Variants in TXNL4A observed in about 807,000 individuals in gnomAD.
The protein encoded by TXNL4A is thioredoxin like 4A, also known as thioredoxin-like protein 4A.
Under a neutral mutation model 14.6 loss-of-function variants are expected in TXNL4A, and 17 were observed. That is an observed-to-expected ratio of 1.16 (90% confidence interval 0.80 to 1.74). The LOEUF (loss-of-function observed/expected upper bound fraction) is 1.74. Among genes scored for constraint, TXNL4A ranks in the 40% most tolerant of loss-of-function variants. TXNL4A has a pLI of 0.00. For synonymous variants in TXNL4A, 83 were observed against 70.6 expected, an observed-to-expected ratio of 1.18 and a Z score of -0.88; for missense variants, 74 against 195.2, an observed-to-expected ratio of 0.38 and a Z score of 3.70.
intron 1 of TXNL4A, among the ~76,000 whole-genome samples, chr18:79,987,994 A>T (rs2051579383): frequency 6.6e-6 from 1 of 152,390 alleles, no homozygotes; most frequent in African/African-American, 2.4e-5. Context: ...AATTCATTTG[A>T]GAGGAGGGGG....
rs572135833 is a variant in TXNL4A, at chr18:79,982,429, G to A, written c.154-4728C>T. 6.6e-6 allele frequency among the ~76,000 whole-genome samples: 1 copy of A among 152,302 alleles called. No homozygotes were observed. Among genetic ancestry groups the A allele is most frequent in the South Asian group, 2.1e-4 (1 of 4,824 alleles). On this transcript the variant is annotated intron_variant, in intron 1 of 2. Transcript: ENST00000269601. This position sits in a 1 kb window ranked among gnomAD's most constrained non-coding sequence, Gnocchi z 4.0. ...CCTGGAGCTGTACAATGGAGTCTGG[G>A]CTGGAGAGAGCTACCTTACTGCCGC...
chr18:79,988,695 A>T (rs898051911), upstream of TXNL4A: 1 of 227,026 alleles, frequency 4.4e-6, no homozygotes, highest in Non-Finnish European at 8.5e-6. Flanking sequence ...CGACCTGGGC[A>T]CCGTGGAGCG....
intron 1 of TXNL4A, among the ~76,000 whole-genome samples, chr18:80,022,109 C>A (rs1195029561): frequency 6.6e-6 from 1 of 152,020 alleles, no homozygotes; most frequent in Non-Finnish European, 1.5e-5. Context: ...TATTAGAGAA[C>A]CTGCCCAGGT....
intron 1 of TXNL4A, among the ~76,000 whole-genome samples, chr18:79,983,672 T>C (rs1006880214): frequency 1.3e-5 from 2 of 152,266 alleles, no homozygotes; most frequent in African/African-American, 2.4e-5. Context: ...ACTGAAAAAC[T>C]TGACTTTCTA....
At chr18:80,005,127 G>A (rs2051721283) in intron 1 of TXNL4A, among the ~76,000 whole-genome samples, 1 of 152,248 alleles carries the variant, frequency 6.6e-6, no homozygotes, top group Non-Finnish European at 1.5e-5. Context: ...TGGTTAACAC[G>A]AGAGTCTCGT....
At chr18:80,008,958 A>G (rs939520083) in intron 1 of TXNL4A, among the ~76,000 whole-genome samples, 2 of 151,520 alleles carry the variant, frequency 1.3e-5, no homozygotes, top group East Asian at 3.9e-4. Context: ...TTGTATTTTC[A>G]GTAGAGACAA....
At chr18:80,008,160 G>A (rs563725877) in intron 1 of TXNL4A, among the ~76,000 whole-genome samples, 6 of 152,110 alleles carry the variant, frequency 3.9e-5, no homozygotes, top group Non-Finnish European at 8.8e-5. Context: ...ATGTTTTTCC[G>A]GGTGTTATGA....
At chr18:79,978,050 G>T in intron 1 of TXNL4A, 1 of 189,068 alleles carries the variant, frequency 5.3e-6, no homozygotes, top group Non-Finnish European at 1.1e-5. Flanking sequence ...ACACTACTGG[G>T]ACCTTGGCCA....
upstream of TXNL4A, among the ~76,000 whole-genome samples, chr18:79,988,837 G>A (rs1416187298): frequency 5.9e-5 from 9 of 151,434 alleles, no homozygotes; most frequent in African/African-American, 2.2e-4. Context: ...GCCCGCCGCC[G>A]CCCGGGCTGT....
At chr18:79,981,706 T>TG (rs1459579564) in intron 1 of TXNL4A, among the ~76,000 whole-genome samples, 2 of 152,180 alleles carry the variant, frequency 1.3e-5, no homozygotes, top group African/African-American at 2.4e-5. Context: ...AGAGGGCAAC[T>TG]GAGTAACTGT....
At chr18:80,017,024 C>G (rs1193264705) in intron 1 of TXNL4A, among the ~76,000 whole-genome samples, 1 of 150,884 alleles carries the variant, frequency 6.6e-6, no homozygotes, top group Non-Finnish European at 1.5e-5. Context: ...TGTTTGTATC[C>G]TCTTTTATTT....
intron 1 of TXNL4A, among the ~76,000 whole-genome samples, chr18:79,999,947 T>G (rs2051688345): frequency 6.6e-6 from 1 of 152,216 alleles, no homozygotes; most frequent in Admixed American, 6.5e-5. Flanking sequence ...CTTGCTGCCA[T>G]GTAAGATATG....
intron 1 of TXNL4A, among the ~76,000 whole-genome samples, chr18:80,005,827 T>C (rs1238945941): frequency 6.6e-6 from 1 of 151,944 alleles, no homozygotes; most frequent in African/African-American, 2.4e-5. Flanking sequence ...GGCAGGAGAA[T>C]TGCTTGAACC....
At chr18:79,992,876 T>A (rs986352693), upstream of TXNL4A, among the ~76,000 whole-genome samples, 6 of 78,600 alleles carry the variant, frequency 7.6e-5, no homozygotes, top group Non-Finnish European at 1.4e-4. Flanking sequence ...TCATCTTATG[T>A]AAAAAAAAAA....
intron 1 of TXNL4A, among the ~76,000 whole-genome samples, chr18:80,015,485 A>G (rs973820726): frequency 7.3e-5 from 11 of 151,640 alleles, no homozygotes; most frequent in African/African-American, 2.4e-4. Flanking sequence ...AGCATTAGGT[A>G]TATCTCCTAA....
intron 1 of TXNL4A, among the ~76,000 whole-genome samples, chr18:80,014,057 G>A (rs893946871): frequency 3.9e-5 from 6 of 152,050 alleles, no homozygotes; most frequent in Non-Finnish European, 7.4e-5. Context: ...GGAAAGACCA[G>A]CCCCCATGAT....
chr18:80,000,433 G>A (rs1225624366), intron 1 of TXNL4A, among the ~76,000 whole-genome samples: 4 of 152,208 alleles, frequency 2.6e-5, no homozygotes, highest in Non-Finnish European at 5.9e-5. Context: ...ACTTGAGGGA[G>A]ATGATTTAGG....
chr18:79,989,402 G>T (rs1951359198), upstream of TXNL4A, among the ~76,000 whole-genome samples: 3 of 152,058 alleles, frequency 2.0e-5, no homozygotes, highest in Non-Finnish European at 4.4e-5. Flanking sequence ...AAGCCACCGC[G>T]CCCGACCTAA....
At chr18:79,995,755 T>C (rs1420956079) in intron 1 of TXNL4A, among the ~76,000 whole-genome samples, 2 of 152,272 alleles carry the variant, frequency 1.3e-5, no homozygotes, top group East Asian at 3.9e-4. Context: ...CCAGAAAGAT[T>C]TTAAGCTCAT....
Sources: gnomAD v4.1 joint callset for allele counts (sites outside exome capture counted in the v4.1 genomes callset) on GRCh38, gnomAD v4.1.1 for gene constraint, Gnocchi (gnomAD v3.1) non-coding constraint, MANE v1.5 for transcripts, NCBI Gene and HGNC (gene_info 2026-07-23, HGNC 2026-07-21) for gene names.